ADAMTS12: variants seen among roughly 807,000 people sequenced by gnomAD.
The protein encoded by ADAMTS12 is A disintegrin and metalloproteinase with thrombospondin motifs 12.
Under a neutral mutation model 167.8 loss-of-function variants are expected in ADAMTS12, and 118 were observed. That is an observed-to-expected ratio of 0.70 (90% CI 0.61 to 0.82). The LOEUF is 0.82. Among genes scored for constraint, ADAMTS12 ranks in the 40% least tolerant of loss-of-function variants. The pLI, the probability that ADAMTS12 is intolerant of heterozygous loss-of-function variation, is 0.00. For missense variants in ADAMTS12, 1,916 were observed against 1,998.8 expected (o/e 0.96, Z 0.79); for synonymous variants, 704 against 716.9 (o/e 0.98, Z 0.29).
intron 3 of ADAMTS12, among the ~76,000 whole-genome samples, chr5:33,734,618 T>C (rs1744305442): frequency 6.6e-6 from 1 of 152,256 alleles, no homozygotes; most frequent in African/African-American, 2.4e-5. Flanking sequence ...AATTTTACTA[T>C]CCTGATTGCC....
chr5:33,621,795 G>A (rs1004295638), intron 14 of ADAMTS12, among the ~76,000 whole-genome samples: 12 of 152,200 alleles, frequency 7.9e-5, no homozygotes, highest in African/African-American at 2.9e-4. Context: ...ACACATAGGT[G>A]TCTGGTTCAG....
At chr5:33,833,821 T>TA (rs986657214) in intron 2 of ADAMTS12, among the ~76,000 whole-genome samples, 2 of 152,128 alleles carry the variant, frequency 1.3e-5, no homozygotes, top group Non-Finnish European at 2.9e-5. Flanking sequence ...AAATATTAAA[T>TA]AAAAAACAGG....
intron 2 of ADAMTS12, among the ~76,000 whole-genome samples, chr5:33,781,737 G>A (rs939010696): frequency 1.3e-5 from 2 of 151,346 alleles, no homozygotes; most frequent in Admixed American, 1.3e-4. Context: ...GGGTACATGT[G>A]CACAATGTGC....
At position 33,576,919 on chromosome 5, in the gene ADAMTS12, G is replaced by A. The variant is rs751051981; in HGVS notation, c.3107C>T (p.Thr1036Ile). Residue 1036 changes from threonine (T) to isoleucine (I), a missense_variant, in exon 19 of 24, where the codon ACA becomes ATA. By Grantham distance (89) the Thr-to-Ile change is moderately conservative. Coordinates refer to ENST00000504830, the MANE Select transcript of ADAMTS12 (RefSeq NM_030955.4). ...TSRPRMLTTP[T>I]GPESMSTSTP... Reference sequence around the variant, plus strand: ...GCTTGTGCTCATAGACTCAGGCCCTGTGGGTGTGGTCAGCATTCTGGGCCT... The same window carrying A: ...GCTTGTGCTCATAGACTCAGGCCCTATGGGTGTGGTCAGCATTCTGGGCCT... 15 of 1,614,042 alleles carry A rather than the reference G, an allele frequency of 9.3e-6. No individual in the cohort carries two copies. In the East Asian group the frequency reaches 2.7e-4, roughly 29 times the overall value.
chr5:33,853,022 C>G (rs527908981), intron 2 of ADAMTS12, among the ~76,000 whole-genome samples: 2 of 152,304 alleles, frequency 1.3e-5, no homozygotes, highest in South Asian at 4.1e-4. Context: ...CCTGCCCCTA[C>G]CCCTGCCGTC....
intron 4 of ADAMTS12, among the ~76,000 whole-genome samples, chr5:33,683,365 T>C (rs1284055520): frequency 6.6e-6 from 1 of 152,186 alleles, no homozygotes; most frequent in Non-Finnish European, 1.5e-5. Flanking sequence ...AGTATTCTCC[T>C]CTTCTATTAT....
At chr5:33,634,541 G>A (rs1220347883) in intron 12 of ADAMTS12, among the ~76,000 whole-genome samples, 1 of 152,092 alleles carries the variant, frequency 6.6e-6, no homozygotes, top group East Asian at 1.9e-4. Flanking sequence ...AGGAAGCTCA[G>A]CTAAGAATTA....
At chr5:33,657,481 G>T (rs1741102901) in intron 7 of ADAMTS12, among the ~76,000 whole-genome samples, 1 of 152,130 alleles carries the variant, frequency 6.6e-6, no homozygotes, top group South Asian at 2.1e-4. Context: ...AATAAGCTAA[G>T]AACTTTCCTC....
intron 2 of ADAMTS12, among the ~76,000 whole-genome samples, chr5:33,814,751 C>T (rs1747585493): frequency 6.6e-6 from 1 of 152,118 alleles, no homozygotes; most frequent in South Asian, 2.1e-4. Context: ...AGAAAAAGTT[C>T]TTCACGGAAT....
chr5:33,742,258 T>C (rs1328406074), intron 3 of ADAMTS12, among the ~76,000 whole-genome samples: 1 of 151,542 alleles, frequency 6.6e-6, no homozygotes, highest in Non-Finnish European at 1.5e-5. Flanking sequence ...AGAGGAAGAT[T>C]AGAGCATAAA....
At chr5:33,581,189 A>G (rs1399927861) in intron 18 of ADAMTS12, among the ~76,000 whole-genome samples, 1 of 152,270 alleles carries the variant, frequency 6.6e-6, no homozygotes, top group Admixed American at 6.5e-5. Flanking sequence ...AGATAAATGC[A>G]GTACACAACG....
intron 2 of ADAMTS12, among the ~76,000 whole-genome samples, chr5:33,805,123 A>T (rs939676041): frequency 6.6e-6 from 1 of 152,160 alleles, no homozygotes; most frequent in Non-Finnish European, 1.5e-5. Flanking sequence ...TTAAATTCTA[A>T]GATTGATCAA....
At chr5:33,625,049 G>A (rs1450570782) in intron 13 of ADAMTS12, among the ~76,000 whole-genome samples, 1 of 152,158 alleles carries the variant, frequency 6.6e-6, no homozygotes, top group Non-Finnish European at 1.5e-5. Flanking sequence ...AGGCCAGAGT[G>A]CAGTAGCTAT....
chr5:33,740,347 A>G (rs890843096), intron 3 of ADAMTS12, among the ~76,000 whole-genome samples: 17 of 152,210 alleles, frequency 1.1e-4, no homozygotes, highest in African/African-American at 4.1e-4. Flanking sequence ...AAGCAACTCT[A>G]ATCCCGGGGC....
At chr5:33,816,819 A>G (rs1460859408) in intron 2 of ADAMTS12, among the ~76,000 whole-genome samples, 2 of 152,164 alleles carry the variant, frequency 1.3e-5, no homozygotes, top group African/African-American at 4.8e-5. Context: ...ATTGTTCTGA[A>G]TCAGATTTTA....
chr5:33,833,787 A>C (rs192065358), intron 2 of ADAMTS12, among the ~76,000 whole-genome samples: 1 of 152,366 alleles, frequency 6.6e-6, no homozygotes, highest in East Asian at 1.9e-4. Context: ...AAAAAAATTC[A>C]TGACTCGGGA....
chr5:33,632,814 C>T (rs1302913808), intron 12 of ADAMTS12, among the ~76,000 whole-genome samples: 4 of 152,258 alleles, frequency 2.6e-5, no homozygotes, highest in Admixed American at 2.0e-4. Context: ...AAATAGAAAG[C>T]GGCCCTGAAT....
chr5:33,575,900 T>A (rs1360071639), intron 19 of ADAMTS12, among the ~76,000 whole-genome samples, 154 bp downstream of exon 19: 1 of 151,964 alleles, frequency 6.6e-6, no homozygotes, highest in Admixed American at 6.6e-5. Flanking sequence ...GTTATGGGGG[T>A]AAGGAGGGAG....
intron 2 of ADAMTS12, among the ~76,000 whole-genome samples, chr5:33,877,828 A>T (rs1454888465): frequency 6.6e-6 from 1 of 152,142 alleles, no homozygotes; most frequent in African/African-American, 2.4e-5. Context: ...GCTCCAGAGG[A>T]GACTAAATGA....
Sources: allele counts gnomAD v4.1 joint callset (sites outside exome capture counted in the v4.1 genomes callset), GRCh38; gene constraint gnomAD v4.1.1; transcripts MANE v1.5; gene names NCBI Gene and HGNC (gene_info 2026-07-23, HGNC 2026-07-21).